Variants in ARHGAP6 observed in about 807,000 individuals in gnomAD.
ARHGAP6 encodes the protein Rho GTPase activating protein 6.
In ARHGAP6, 16 loss-of-function variants were observed where a neutral mutation model predicts 55.7. That is an observed-to-expected ratio of 0.29 (90% CI 0.19 to 0.44). The LOEUF is 0.44. Ranked by LOEUF, ARHGAP6 falls within the 20% of genes least tolerant of loss-of-function variation. The pLI is 1.00. For synonymous variants in ARHGAP6, 382 were observed against 360.9 expected, an observed-to-expected ratio of 1.06 and a Z score of -0.66; for missense variants, 698 against 808.9, an observed-to-expected ratio of 0.86 and a Z score of 1.66.
intron 1 of ARHGAP6, among the ~76,000 whole-genome samples, chrX:11,520,150 T>TATATAC (rs1281446068): frequency 1.4e-5 from 1 of 69,086 alleles, no homozygotes; most frequent in East Asian, 4.9e-4. Flanking sequence ...TATATATATA[T>TATATAC]ATATATATAT....
chrX:11,241,075 C>T (rs937941677), intron 2 of ARHGAP6, among the ~76,000 whole-genome samples: 10 of 71,560 alleles, frequency 1.4e-4, no homozygotes, highest in African/African-American at 4.4e-4. Context: ...CCAGCCTGGG[C>T]GACAAAAAAA....
chrX:11,276,036 G>C (rs761072006), intron 1 of ARHGAP6, among the ~76,000 whole-genome samples: 14 of 111,778 alleles, frequency 1.3e-4, no homozygotes, highest in African/African-American at 4.5e-4. Flanking sequence ...TAAAGAAGGC[G>C]AATCTGCTTC....
Position 11,608,660 on chromosome X carries a change from A to T in ARHGAP6, c.588+55581T>A, listed in dbSNP as rs184799259. 3.9e-3 allele frequency among the ~76,000 whole-genome samples: 430 copies of T among 111,545 alleles called. 1 individual carries two copies. The highest frequency in any genetic ancestry group is 0.012 in the African/African-American group (382 of 30,718). On this transcript the variant is annotated intron_variant, in intron 1 of 12. Coordinates refer to ENST00000337414, the MANE Select transcript of ARHGAP6 (RefSeq NM_013427.3). ...TCCCGTAATTCCCACGTGTTGTGGG[A>T]GGGACCCCGTGGGAGATAATTTGAA... is the stretch of plus-strand genomic sequence containing the variant.
chrX:11,594,229 C>T (rs1407095817), intron 1 of ARHGAP6, among the ~76,000 whole-genome samples: 1 of 111,426 alleles, frequency 9.0e-6, no homozygotes, highest in Non-Finnish European at 1.9e-5. Flanking sequence ...TGCCTCAAGG[C>T]CTTTGTATGT....
chrX:11,511,068 G>C (rs1282387333), intron 1 of ARHGAP6, among the ~76,000 whole-genome samples: 1 of 111,613 alleles, frequency 9.0e-6, no homozygotes, highest in African/African-American at 3.3e-5. Context: ...CAATATGTAA[G>C]TGATTTTCCC....
At chrX:11,595,917 A>C (rs1326618047) in intron 1 of ARHGAP6, among the ~76,000 whole-genome samples, 1 of 112,160 alleles carries the variant, frequency 8.9e-6, no homozygotes, top group African/African-American at 3.2e-5. Flanking sequence ...AAAAGCCAGG[A>C]AACAACAGAT....
chrX:11,178,111 C>A lies in ARHGAP6; in HGVS notation c.1618G>T (p.Asp540Tyr). ...ARHADDNISK[D>Y]GQEVTGNKMT... ...CAAAGGCATCTTACCTCTTGCCCATCTTTGCTGATGTTGTCATCGGCATGC... is the reference window on the plus strand; with the variant it reads ...CAAAGGCATCTTACCTCTTGCCCATATTTGCTGATGTTGTCATCGGCATGC... Residue 540 changes from aspartate to tyrosine, a missense_variant, in exon 8 of 13, where the codon GAT (aspartate) becomes TAT (tyrosine). Physicochemically the swap from Asp to Tyr is radical, Grantham distance 160. Coordinates refer to ENST00000337414, the MANE Select transcript of ARHGAP6 (RefSeq NM_013427.3). 8.3e-7 allele frequency: 1 copy of A among 1,211,715 alleles called. No individual in the cohort carries two copies. Among genetic ancestry groups the A allele is most frequent in the Non-Finnish European group, 1.1e-6 (1 of 895,524 alleles).
intron 1 of ARHGAP6, among the ~76,000 whole-genome samples, chrX:11,613,432 C>T (rs188346261): frequency 3.5e-3 from 390 of 112,149 alleles, no homozygotes; most frequent in Non-Finnish European, 5.2e-3. Flanking sequence ...TAGGTTTCAG[C>T]CTTTTCTGAG....
intron 1 of ARHGAP6, among the ~76,000 whole-genome samples, chrX:11,444,215 T>G (rs1293321983): frequency 8.9e-6 from 1 of 112,443 alleles, no homozygotes; most frequent in Non-Finnish European, 1.9e-5. Context: ...ACAGACCATA[T>G]GTAAATGAAG....
chrX:11,324,012 G>T (rs1163790492), intron 1 of ARHGAP6, among the ~76,000 whole-genome samples: 5 of 111,254 alleles, frequency 4.5e-5, no homozygotes, highest in Middle Eastern at 4.7e-3. Context: ...ATTAACAGCA[G>T]AAACAATAGC....
At chrX:11,179,745 CATATATATGTATATGTATACATAT>C (rs1031460862) in intron 6 of ARHGAP6, among the ~76,000 whole-genome samples, 5 of 91,127 alleles carry the variant, frequency 5.5e-5, no homozygotes, top group African/African-American at 1.7e-4. Context: ...TATGTATATA[CATATATATGTATATGTATACATAT>C]ATATATATAT....
intron 1 of ARHGAP6, among the ~76,000 whole-genome samples, chrX:11,457,204 G>A (rs999476426): frequency 1.2e-4 from 13 of 111,729 alleles, no homozygotes; most frequent in Middle Eastern, 4.7e-3. Context: ...TGAGACACCT[G>A]AGTCCAAGAT....
intron 1 of ARHGAP6, among the ~76,000 whole-genome samples, chrX:11,320,796 CACACACACACACACAGGTGTATAATAT>C (rs2048422990): frequency 9.3e-6 from 1 of 107,986 alleles, no homozygotes; most frequent in African/African-American, 3.5e-5. Context: ...CACACACACA[CACACACACACACACAGGTGTATAATAT>C]ACACACACAC....
chrX:11,209,827 C>G (rs2046764165), intron 2 of ARHGAP6, among the ~76,000 whole-genome samples: 1 of 111,885 alleles, frequency 8.9e-6, no homozygotes, highest in Admixed American at 9.5e-5. Context: ...CTCACAGCAA[C>G]AAGAAGAAAG....
chrX:11,245,241 A>G (rs1270536480), intron 2 of ARHGAP6, among the ~76,000 whole-genome samples: 1 of 111,765 alleles, frequency 8.9e-6, no homozygotes, highest in African/African-American at 3.3e-5. Context: ...CGATGATAGG[A>G]ACTCCTTTTG....
At chrX:11,595,571 C>G (rs921509485) in intron 1 of ARHGAP6, among the ~76,000 whole-genome samples, 5 of 111,683 alleles carry the variant, frequency 4.5e-5, no homozygotes, top group African/African-American at 1.6e-4. Context: ...CCAAAATTGA[C>G]AAATGGGATC....
chrX:11,607,173 G>T (rs186483359), intron 1 of ARHGAP6, among the ~76,000 whole-genome samples: 1 of 112,290 alleles, frequency 8.9e-6, no homozygotes. Context: ...ATTCCTGGCA[G>T]ACTACTTTTT....
chrX:11,224,604 G>A (rs1038462296), intron 2 of ARHGAP6, among the ~76,000 whole-genome samples: 3 of 111,001 alleles, frequency 2.7e-5, no homozygotes, highest in East Asian at 2.8e-4. Context: ...TTCCTGGGTT[G>A]GGGTGTAGCT....
At chrX:11,355,341 G>A (rs2048918791) in intron 1 of ARHGAP6, among the ~76,000 whole-genome samples, 1 of 112,469 alleles carries the variant, frequency 8.9e-6, no homozygotes, top group Non-Finnish European at 1.9e-5. Flanking sequence ...GGGTAGTGAG[G>A]CTAGAGAGGG....
Sources: allele counts gnomAD v4.1 joint callset (sites outside exome capture counted in the v4.1 genomes callset), GRCh38; gene constraint gnomAD v4.1.1; transcripts MANE v1.5; gene names NCBI Gene and HGNC (gene_info 2026-07-23, HGNC 2026-07-21).